MAP4: variants seen among roughly 807,000 people sequenced by gnomAD.
MAP4 encodes the protein microtubule-associated protein 4.
In MAP4, 76 loss-of-function variants were observed where a neutral mutation model predicts 170.2. The observed-to-expected ratio is 0.45, with a 90% CI of 0.37 to 0.54. MAP4 has a LOEUF of 0.54. Ranked by LOEUF, MAP4 falls within the 20% of genes least tolerant of loss-of-function variation. The pLI is 0.00. For missense variants in MAP4, 2,506 were observed against 2,748.0 expected (o/e 0.91, Z 1.97); for synonymous variants, 909 against 994.5 (o/e 0.91, Z 1.62).
At chr3:48,052,931 A>T (rs2100128689) in intron 1 of MAP4, among the ~76,000 whole-genome samples, 1 of 152,244 alleles carries the variant, frequency 6.6e-6, no homozygotes. Context: ...TTTATGTCTA[A>T]GAACACATTT....
chr3:48,062,361 G>A (rs534657830), intron 1 of MAP4, among the ~76,000 whole-genome samples: 3 of 151,440 alleles, frequency 2.0e-5, no homozygotes, highest in South Asian at 2.1e-4. Context: ...CAAACACTGC[G>A]GAAGGCCGCA....
intron 1 of MAP4, among the ~76,000 whole-genome samples, chr3:48,029,766 G>A (rs2100114989): frequency 6.6e-6 from 1 of 151,996 alleles, no homozygotes; most frequent in African/African-American, 2.4e-5. Flanking sequence ...TTGGGAGGCC[G>A]AGGTGGGAGG....
At chr3:48,041,523 C>CA (rs1292301658) in intron 1 of MAP4, among the ~76,000 whole-genome samples, 2 of 152,036 alleles carry the variant, frequency 1.3e-5, no homozygotes. Context: ...GAAGATTTAA[C>CA]ATTGCTAAGA....
chr3:48,071,181 C>A (rs2100140831), intron 1 of MAP4, among the ~76,000 whole-genome samples: 11 of 152,000 alleles, frequency 7.2e-5, no homozygotes, highest in Admixed American at 7.2e-4. Context: ...TGGTTTGTTA[C>A]CCCCATGTCT....
intron 15 of MAP4, 95 bp from the exon 16 acceptor site, chr3:47,869,422 G>T: frequency 2.5e-6 from 2 of 812,054 alleles, no homozygotes; most frequent in Non-Finnish European, 4.2e-6. Flanking sequence ...TCAAATCCAG[G>T]TCAGGCCACC....
At chr3:47,898,982 C>T (rs1300331363) in intron 10 of MAP4, among the ~76,000 whole-genome samples, 1 of 152,084 alleles carries the variant, frequency 6.6e-6, no homozygotes, top group Non-Finnish European at 1.5e-5. Context: ...ACCCACAGAA[C>T]ACCCTGAGAA....
intron 10 of MAP4, among the ~76,000 whole-genome samples, chr3:47,899,658 A>T (rs575056420): frequency 6.6e-6 from 1 of 152,370 alleles, no homozygotes; most frequent in African/African-American, 2.4e-5. Context: ...CTTGACTCAC[A>T]GTAAATAAGC....
At chr3:48,050,862 G>A (rs1175349488) in intron 1 of MAP4, among the ~76,000 whole-genome samples, 7 of 147,910 alleles carry the variant, frequency 4.7e-5, no homozygotes, top group East Asian at 2.0e-4. Context: ...CTGAGATCGC[G>A]CCATTGCACT....
At chr3:48,044,079 C>T (rs963736920) in intron 1 of MAP4, among the ~76,000 whole-genome samples, 2 of 151,542 alleles carry the variant, frequency 1.3e-5, no homozygotes, top group African/African-American at 4.9e-5. Flanking sequence ...CTCCTGACCT[C>T]GTGATCTGCC....
chr3:48,028,479 A>T (rs1012422374), intron 1 of MAP4, among the ~76,000 whole-genome samples: 4 of 152,130 alleles, frequency 2.6e-5, no homozygotes, highest in Admixed American at 2.6e-4. Context: ...TGGAAAACAA[A>T]AGTACCACAA....
chr3:48,068,860 T>A (rs140328096), intron 1 of MAP4, among the ~76,000 whole-genome samples: 4 of 152,354 alleles, frequency 2.6e-5, no homozygotes, highest in African/African-American at 9.6e-5. Flanking sequence ...CATTCATACC[T>A]ATGCACAATA....
chr3:48,061,029 T>G (rs772699455), intron 1 of MAP4, among the ~76,000 whole-genome samples: 4 of 151,966 alleles, frequency 2.6e-5, no homozygotes, highest in Non-Finnish European at 4.4e-5. Context: ...GTATTTTTAG[T>G]AGAGATGGGG....
At chr3:48,015,146 C>T (rs1416782993) in intron 1 of MAP4, among the ~76,000 whole-genome samples, 2 of 152,110 alleles carry the variant, frequency 1.3e-5, no homozygotes, top group South Asian at 2.1e-4. Flanking sequence ...GTGACCTAGG[C>T]TACTTTGAGG....
intron 10 of MAP4, chr3:47,891,012 T>G: frequency 6.9e-7 from 1 of 1,458,482 alleles, no homozygotes; most frequent in South Asian, 1.4e-5. Flanking sequence ...GAGGCAAAAT[T>G]TAGAAACATA....
chr3:47,904,057 CTTTT>C (rs569489079), intron 9 of MAP4, among the ~76,000 whole-genome samples: 1 of 152,050 alleles, frequency 6.6e-6, no homozygotes, highest in African/African-American at 2.4e-5. Flanking sequence ...TCATCTTTTT[CTTTT>C]TAAGTACCTG....
chr3:48,007,834 A>G (rs1206824263), intron 1 of MAP4, among the ~76,000 whole-genome samples: 1 of 151,926 alleles, frequency 6.6e-6, no homozygotes, highest in Non-Finnish European at 1.5e-5. Flanking sequence ...CACCACATCC[A>G]GCTAATTTTT....
chr3:48,070,841 G>GA lies in MAP4; in HGVS notation c.-20+17931dup, dbSNP rs79176172. On this transcript the variant is annotated intron_variant, in intron 1 of 18. Coordinates refer to the MAP4 transcript ENST00000360240. Reference sequence around the variant, plus strand: ...ACATAGTGAGATCTCGTCTCTACAGGAAAAAAAAAAAAAAAAGCAAAAACT... The same window carrying GA: ...ACATAGTGAGATCTCGTCTCTACAGGAAAAAAAAAAAAAAAAAGCAAAAACT... 5.6e-3 allele frequency among the ~76,000 whole-genome samples: 666 copies of GA among 119,544 alleles called. 5 individuals carry two copies. The highest frequency in any genetic ancestry group is 0.016 in the African/African-American group (525 of 32,606). The allele number at this position is 119,544 out of a possible 152,430, so 78.4% of individuals were successfully genotyped here.
rs191499874 is a variant in MAP4, at chr3:47,852,896, G to C, written c.*38C>G. ...ACAATGTCGGCCCCGTGGTCGGTGC[G>C]GGCCCTGGCATTTGCCCGGAACGTC... On this transcript the variant is annotated 3_prime_UTR_variant, in exon 21 of 21. Transcript: ENST00000683076. The C allele has an allele frequency of 1.3e-4, 211 of 1,604,450 alleles. No individual in the cohort carries two copies. The highest frequency in any genetic ancestry group is 1.7e-4 in the Non-Finnish European group (202 of 1,175,152).
At chr3:47,972,201 T>C (rs1000023716) in intron 3 of MAP4, among the ~76,000 whole-genome samples, 1 of 152,238 alleles carries the variant, frequency 6.6e-6, no homozygotes, top group Non-Finnish European at 1.5e-5. Context: ...AACCCTACTG[T>C]AAACAAACAC....
Sources: gnomAD v4.1 joint callset for allele counts (sites outside exome capture counted in the v4.1 genomes callset) on GRCh38, gnomAD v4.1.1 for gene constraint, MANE v1.5 for transcripts, NCBI Gene and HGNC (gene_info 2026-07-23, HGNC 2026-07-21) for gene names.